Variants in CACNA1I observed in about 807,000 individuals in gnomAD.
CACNA1I encodes calcium voltage-gated channel subunit alpha1 I, also known as voltage-dependent T-type calcium channel subunit alpha-1I.
CACNA1I carries 74 observed loss-of-function variants against 201.6 expected under a neutral mutation model. The ratio of observed to expected loss-of-function variants is 0.37; its 90% confidence interval spans 0.30 to 0.45. The LOEUF (loss-of-function observed/expected upper bound fraction) is 0.45, where lower values mean the gene tolerates loss of function less well. Among genes scored for constraint, CACNA1I ranks in the 20% least tolerant of loss-of-function variants. The probability of loss-of-function intolerance (pLI) is 1.00; values close to 1 mark genes in which losing one functional copy is unlikely to be tolerated. For synonymous variants in CACNA1I, 1,431 were observed against 1,345.2 expected (o/e 1.06, Z -1.40); for missense variants, 2,346 against 3,138.1 (o/e 0.75, Z 6.03).
intron 14 of CACNA1I, among the ~76,000 whole-genome samples, chr22:39,660,057 C>T (rs35804062): frequency 7.2e-5 from 11 of 152,278 alleles, no homozygotes; most frequent in South Asian, 4.1e-4. Context: ...CCTGCTCCCC[C>T]CCAGGGATGT....
chr22:39,600,515 T>G lies in CACNA1I; in HGVS notation c.349-5T>G. On this transcript the variant is annotated splice_region_variant and splice_polypyrimidine_tract_variant and intron_variant, in intron 2 of 36. Transcript: ENST00000402142. The stretch of plus-strand genomic sequence containing the variant: ...TCCCTTGCTTCCCTCCTCCTGCCCC[T>G]GCAGGTCTTTGATGACTTCATCTTT... 6.2e-7 allele frequency: 1 copy of G among 1,611,086 alleles called. No homozygotes were observed.
At chr22:39,682,428 C>G in intron 34 of CACNA1I, 68 bp from the exon 35 acceptor site, 3 of 1,401,060 alleles carry the variant, frequency 2.1e-6, no homozygotes, top group Non-Finnish European at 3.0e-6. Context: ...TGGAGCAGGT[C>G]ATGAGGTACC....
intron 31 of CACNA1I, 65 bp from the exon 32 acceptor site, chr22:39,679,042 C>A: frequency 2.3e-6 from 3 of 1,320,956 alleles, no homozygotes; most frequent in Non-Finnish European, 3.1e-6. Context: ...CCTGGGCTGG[C>A]CTCTGCCTCC....
chr22:39,634,683 C>T lies in CACNA1I; in HGVS notation c.699C>T (p.Gly233=), dbSNP rs1352534420. ...TCATAGGTGTGCAGCTCTGGGCGGG[C>T]CTGCTGCGTAACCGCTGCTTCCTGG... ...FGIIGVQLWA[G]LLRNRCFLEE... is the part of the protein sequence containing the mutation. Residue 233 remains glycine (G), a synonymous_variant, in exon 5 of 37, where the codon GGC becomes GGT. Coordinates refer to ENST00000402142, the MANE Select transcript of CACNA1I (RefSeq NM_021096.4). 4 of 1,613,714 alleles carry T rather than the reference C, an allele frequency of 2.5e-6. No individual in the cohort carries two copies. Among genetic ancestry groups the T allele is most frequent in the Middle Eastern group, 1.6e-4 (1 of 6,082 alleles).
Position 39,670,939 on chromosome 22 carries a change from C to T in CACNA1I, c.4524C>T (p.His1508=), listed in dbSNP as rs751321994. The T allele has an allele frequency of 6.2e-7, 1 of 1,613,894 alleles. No homozygotes were observed. The change falls in exon 26 of 37, where the codon CAC becomes CAT. Residue 1508 remains histidine (H), a synonymous_variant. Coordinates refer to ENST00000402142, the MANE Select transcript of CACNA1I (RefSeq NM_021096.4). ...ACGTGGTCACCATGTCCCTGGAGCA[C>T]TACAATCAGCCCACGGTGAGCCCTG... ...CLNVVTMSLE[H]YNQPTSLETA... is the part of the protein sequence containing the mutation.
chr22:39,631,191 C>A (rs1209401192), intron 4 of CACNA1I, among the ~76,000 whole-genome samples: 1 of 152,160 alleles, frequency 6.6e-6, no homozygotes, highest in Non-Finnish European at 1.5e-5. Context: ...GCCACTGGGG[C>A]CCAGAGAAGG....
intron 32 of CACNA1I, 129 bp downstream of exon 32, chr22:39,679,574 TA>T: frequency 2.9e-6 from 3 of 1,048,412 alleles, no homozygotes; most frequent in Non-Finnish European, 4.0e-6. Flanking sequence ...CTCAGCTCCA[TA>T]GAAGGGGTGA....
At chr22:39,596,748 G>T (rs1376341594) in intron 1 of CACNA1I, among the ~76,000 whole-genome samples, 3 of 152,018 alleles carry the variant, frequency 2.0e-5, no homozygotes, top group Non-Finnish European at 4.4e-5. Context: ...GGGGGCCGAT[G>T]GGGAGGCTCC....
chr22:39,628,330 C>A (rs894005073), intron 4 of CACNA1I, among the ~76,000 whole-genome samples: 3 of 152,038 alleles, frequency 2.0e-5, no homozygotes, highest in Admixed American at 6.5e-5. Context: ...CTGATCTGAT[C>A]GGGGCAGGGG....
At position 39,682,585 on chromosome 22, in the gene CACNA1I, A is replaced by G; in HGVS notation, c.5754A>G (p.Pro1918=). Residue 1918 remains proline, a synonymous_variant, in exon 35 of 37, where the codon CCA becomes CCG. Transcript: ENST00000402142. ...CCTCTACGGCCGTCTCGCCGGATCC[A>G]GAGAACTTCCTGTGTGAGATGGAGG... is the stretch of plus-strand genomic sequence containing the variant. ...PLSSTAVSPD[P]ENFLCEMEEI... is the part of the protein sequence containing the mutation. 1 of 1,613,620 alleles carries G rather than the reference A, an allele frequency of 6.2e-7. No homozygotes were observed. Among genetic ancestry groups the G allele is most frequent in the Non-Finnish European group, 8.5e-7 (1 of 1,179,806 alleles).
intron 1 of CACNA1I, among the ~76,000 whole-genome samples, chr22:39,577,916 G>C (rs1408429324): frequency 6.6e-6 from 1 of 152,266 alleles, no homozygotes; most frequent in African/African-American, 2.4e-5. Context: ...TTGCTCATCT[G>C]TGAAATGGGG....
In CACNA1I at chr22:39,686,219, C is replaced by G. The variant is rs1350651800; in HGVS notation, c.6486C>G (p.Pro2162=). ...KFSSTSSLAA[P]GRPHAAALAH... ...GCAGCACCAGCAGCCTGGCCGCCCCCGGCCGCCCCCACGCCGCCGCCCTGG... is the reference window on the plus strand; with the variant it reads ...GCAGCACCAGCAGCCTGGCCGCCCCGGGCCGCCCCCACGCCGCCGCCCTGG... The change falls in exon 37 of 37, where the codon CCC becomes CCG. Residue 2162 remains proline, a synonymous_variant. Coordinates refer to ENST00000402142, the MANE Select transcript of CACNA1I (RefSeq NM_021096.4). 4 of 1,246,292 alleles carry G rather than the reference C, an allele frequency of 3.2e-6. No homozygotes were observed. Among genetic ancestry groups the G allele is most frequent in the Non-Finnish European group, 4.0e-6 (4 of 997,898 alleles). The allele number at this position is 1,246,292 out of a possible 1,614,324, so 77.2% of individuals were successfully genotyped here. A position where few individuals can be genotyped will look rare whatever the true frequency, so the allele number is the denominator to read the frequency against.
chr22:39,655,432 T>G (rs1934787605), intron 10 of CACNA1I, among the ~76,000 whole-genome samples: 1 of 152,196 alleles, frequency 6.6e-6, no homozygotes, highest in African/African-American at 2.4e-5. Context: ...CTTCAGCATG[T>G]CTGCCTTCAC....
intron 5 of CACNA1I, among the ~76,000 whole-genome samples, chr22:39,637,939 G>C (rs887677041): frequency 1.3e-5 from 2 of 151,992 alleles, no homozygotes; most frequent in Non-Finnish European, 1.5e-5. Context: ...ATGGAGTCAA[G>C]ATTTTTTTTT....
rs772509732 is a variant in CACNA1I at position 39,660,326 on chromosome 22, T to C, written c.2605-18T>C. 6.5e-5 allele frequency: 104 copies of C among 1,601,960 alleles called. No individual in the cohort carries two copies. Among genetic ancestry groups the C allele is most frequent in the Non-Finnish European group, 6.1e-5 (72 of 1,171,268 alleles). ...AGCTGGACTGACCTGCATTCTAACG[T>C]GACGGATGCTCTCCCAGGGTGACGC... On this transcript the variant is annotated intron_variant, in intron 14 of 36. Transcript: ENST00000402142.
chr22:39,649,516 A>G lies in CACNA1I; in HGVS notation c.1583A>G (p.His528Arg). 3.8e-6 allele frequency: 6 copies of G among 1,563,714 alleles called. No individual in the cohort carries two copies. The highest frequency in any genetic ancestry group is 5.2e-6 in the Non-Finnish European group (6 of 1,154,316). The change falls in exon 10 of 37, where the codon CAT becomes CGT. Residue 528 changes from histidine to arginine, a missense_variant. His to Arg is a conservative substitution (Grantham distance 29). Coordinates refer to ENST00000402142, the MANE Select transcript of CACNA1I (RefSeq NM_021096.4). The surrounding 1 kb of genome is among the most constrained non-coding windows in gnomAD (Gnocchi z 7.3). ...DHSGRELCPQHSPLDATPHTL... is the reference protein window; with the variant it reads ...DHSGRELCPQRSPLDATPHTL... Reference sequence around the variant, plus strand: ...TGCTTTTCAGAGCTGTGCCCGCAACATAGCCCCCTGGATGCGACGCCCCAC... The same window carrying G: ...TGCTTTTCAGAGCTGTGCCCGCAACGTAGCCCCCTGGATGCGACGCCCCAC...
intron 5 of CACNA1I, among the ~76,000 whole-genome samples, chr22:39,637,611 C>T (rs1444481657): frequency 6.6e-6 from 1 of 152,172 alleles, no homozygotes; most frequent in African/African-American, 2.4e-5. Context: ...AAACCAGAAA[C>T]AACCCCAAAC....
chr22:39,627,347 G>C (rs534856130), intron 4 of CACNA1I, among the ~76,000 whole-genome samples: 54 of 152,260 alleles, frequency 3.5e-4, no homozygotes, highest in Non-Finnish European at 6.6e-4. Flanking sequence ...GAGGCAGGCG[G>C]GGGGCCAGGG....
At chr22:39,594,213 C>A (rs1932853677) in intron 1 of CACNA1I, among the ~76,000 whole-genome samples, 2 of 152,170 alleles carry the variant, frequency 1.3e-5, no homozygotes, top group South Asian at 4.1e-4. Flanking sequence ...TAAAATGGGC[C>A]TGCTGACCTC....
Sources: gnomAD v4.1 joint callset for allele counts (sites outside exome capture counted in the v4.1 genomes callset) on GRCh38, gnomAD v4.1.1 for gene constraint, Gnocchi (gnomAD v3.1) non-coding constraint, MANE v1.5 for transcripts, NCBI Gene and HGNC (gene_info 2026-07-23, HGNC 2026-07-21) for gene names.